Variants in DOCK7 observed in about 807,000 individuals in gnomAD.
The protein encoded by DOCK7 is dedicator of cytokinesis protein 7.
Under a neutral mutation model 271.0 loss-of-function variants are expected in DOCK7, and 138 were observed. The observed-to-expected ratio is 0.51, with a 90% CI of 0.44 to 0.59. DOCK7 has a LOEUF of 0.59. Among genes scored for constraint, DOCK7 ranks in the 20% least tolerant of loss-of-function variants. DOCK7 has a pLI of 0.00. For synonymous variants in DOCK7, 823 were observed against 876.1 expected (o/e 0.94, Z 1.07); for missense variants, 2,066 against 2,592.4 (o/e 0.80, Z 4.41).
At chr1:62,677,748 G>A (rs962963961) in intron 1 of DOCK7, among the ~76,000 whole-genome samples, 7 of 152,070 alleles carry the variant, frequency 4.6e-5, no homozygotes, top group African/African-American at 1.7e-4. Context: ...TGTTTTCTAG[G>A]AAACCCAAAC....
chr1:62,654,544 C>T (rs1178746538), intron 2 of DOCK7, among the ~76,000 whole-genome samples: 1 of 152,014 alleles, frequency 6.6e-6, no homozygotes, highest in Non-Finnish European at 1.5e-5. Flanking sequence ...AGTGCTCTTA[C>T]TTTATTTCTT....
chr1:62,652,672 ATATTTTACAACTAACCTTTT>A (rs1464936045), intron 4 of DOCK7, among the ~76,000 whole-genome samples: 2 of 152,190 alleles, frequency 1.3e-5, no homozygotes, highest in African/African-American at 4.8e-5. Flanking sequence ...TGAGGTCAAT[ATATTTTACAACTAACCTTTT>A]TATTAAGATT....
intron 27 of DOCK7, among the ~76,000 whole-genome samples, chr1:62,538,424 T>C (rs1350084245): frequency 1.3e-5 from 2 of 152,226 alleles, no homozygotes; most frequent in Admixed American, 1.3e-4. Flanking sequence ...TGCTTACCTG[T>C]ATTTATAATT....
Position 62,597,584 on chromosome 1 carries a change from CCTT to C in DOCK7, c.1683-10963_1683-10961del. 1 of 1,612,706 alleles carries C rather than the reference CCTT, an allele frequency of 6.2e-7. No individual in the cohort carries two copies. Among genetic ancestry groups the C allele is most frequent in the Non-Finnish European group, 8.5e-7 (1 of 1,179,292 alleles). On this transcript the variant is annotated intron_variant, in intron 14 of 49. Transcript: ENST00000635253. ...AGATAAAAATGTTCACAATTAAGCT[CCTT>C]CTTTTTATTGTTCCTCTAGTTATTT...
At position 62,488,934 on chromosome 1, in the gene DOCK7, C is replaced by A; in HGVS notation, c.5493G>T (p.Gln1831His). The change falls in exon 42 of 50, where the codon CAG becomes CAT. Residue 1831 changes from glutamine (Q) to histidine (H), a missense_variant and splice_region_variant. Physicochemically the swap from Gln to His is conservative, Grantham distance 24. Transcript: ENST00000635253. ...LQEAFSKIVHQSTGWERMFGT... is the reference protein window; with the variant it reads ...LQEAFSKIVHHSTGWERMFGT... ...TGAAGCTAGAAATTGGAATCATTAC[C>A]TGATGAACAATTTTGCTGAATGCTT... 1 of 1,613,578 alleles carries A rather than the reference C, an allele frequency of 6.2e-7. No homozygotes were observed. Among genetic ancestry groups the A allele is most frequent in the South Asian group, 1.1e-5 (1 of 91,004 alleles).
chr1:62,491,476 C>T (rs556637775), intron 41 of DOCK7, among the ~76,000 whole-genome samples: 1 of 152,310 alleles, frequency 6.6e-6, no homozygotes, highest in South Asian at 2.1e-4. Flanking sequence ...ATAAACATCC[C>T]ATCTGGGTTT....
chr1:62,490,740 T>TA (rs1469021930), intron 41 of DOCK7, among the ~76,000 whole-genome samples: 1 of 152,188 alleles, frequency 6.6e-6, no homozygotes, highest in Non-Finnish European at 1.5e-5. Context: ...TGTGAATTAT[T>TA]AAAAATCACA....
chr1:62,525,150 C>T (rs1644969532), intron 31 of DOCK7, among the ~76,000 whole-genome samples: 1 of 150,848 alleles, frequency 6.6e-6, no homozygotes, highest in Non-Finnish European at 1.5e-5. Flanking sequence ...GGATTACAGG[C>T]GCCCACCACC....
intron 31 of DOCK7, among the ~76,000 whole-genome samples, chr1:62,516,107 G>C (rs1420266722): frequency 2.6e-5 from 4 of 151,970 alleles, no homozygotes; most frequent in African/African-American, 9.7e-5. Flanking sequence ...AATACAAAAT[G>C]TTTAAAACTT....
intron 36 of DOCK7, among the ~76,000 whole-genome samples, chr1:62,505,273 A>G (rs549236547): frequency 6.6e-6 from 1 of 152,334 alleles, no homozygotes; most frequent in South Asian, 2.1e-4. Context: ...ACAAACACAT[A>G]CCTTCTTTTC....
intron 33 of DOCK7, among the ~76,000 whole-genome samples, chr1:62,512,686 T>C (rs559699220): frequency 2.6e-5 from 4 of 151,174 alleles, no homozygotes; most frequent in African/African-American, 9.7e-5. Flanking sequence ...TCACTTGAGC[T>C]CAGGAATTTC....
At chr1:62,664,019 G>A (rs1208706894) in intron 1 of DOCK7, among the ~76,000 whole-genome samples, 1 of 152,252 alleles carries the variant, frequency 6.6e-6, no homozygotes, top group South Asian at 2.1e-4. Context: ...AAAAAGAAAT[G>A]AGTTATCAAG....
Position 62,496,616 on chromosome 1 carries a change from T to A in DOCK7, c.4765-119A>T, listed in dbSNP as rs1432582131. On this transcript the variant is annotated intron_variant, in intron 37 of 49. Transcript: ENST00000635253. ...ATACCATTCTAAGCAAAATATTTTT[T>A]AAAGTAATAAAATATGCATATCAAA... 4 of 956,212 alleles carry A rather than the reference T, an allele frequency of 4.2e-6. No individual in the cohort carries two copies. The Admixed American group carries it at 1.4e-4, about 33-fold the overall frequency. 59.2% of individuals were successfully genotyped at this position (956,212 alleles called of 1,614,324 possible).
intron 49 of DOCK7, 37 bp downstream of exon 49, chr1:62,457,501 G>A (rs1366689761): frequency 6.3e-7 from 1 of 1,586,002 alleles, no homozygotes; most frequent in South Asian, 1.1e-5. Flanking sequence ...AGGTTTCAGA[G>A]GAAAGAATAT....
chr1:62,669,953 G>A (rs28399032), intron 1 of DOCK7, among the ~76,000 whole-genome samples: 1 of 150,830 alleles, frequency 6.6e-6, no homozygotes, highest in South Asian at 2.1e-4. Flanking sequence ...GTTCCGGGTG[G>A]GCGTGGGCTT....
At chr1:62,509,727 C>T (rs1433143211) in intron 34 of DOCK7, among the ~76,000 whole-genome samples, 1 of 152,100 alleles carries the variant, frequency 6.6e-6, no homozygotes, top group Admixed American at 6.5e-5. Context: ...AAACTTGTTT[C>T]TCTGCTGGCT....
chr1:62,676,489 T>G (rs1328751162), intron 1 of DOCK7, among the ~76,000 whole-genome samples: 1 of 152,212 alleles, frequency 6.6e-6, no homozygotes, highest in Non-Finnish European at 1.5e-5. Context: ...ATCATTTAAT[T>G]GTACACTTAA....
intron 14 of DOCK7, among the ~76,000 whole-genome samples, chr1:62,593,944 G>C (rs1164490713): frequency 1.3e-5 from 2 of 152,118 alleles, no homozygotes; most frequent in African/African-American, 4.8e-5. Context: ...ATCTCCATAA[G>C]ATTACACAAC....
intron 18 of DOCK7, among the ~76,000 whole-genome samples, chr1:62,569,701 A>AC (rs1646702504): frequency 9.4e-6 from 1 of 106,676 alleles, no homozygotes; most frequent in South Asian, 3.6e-4. Context: ...CTCTCTCACC[A>AC]CTCTCCCCCC....
Sources: allele counts gnomAD v4.1 joint callset (sites outside exome capture counted in the v4.1 genomes callset), GRCh38; gene constraint gnomAD v4.1.1; transcripts MANE v1.5; gene names NCBI Gene and HGNC (gene_info 2026-07-23, HGNC 2026-07-21).